The following FBN2 variants were observed in gnomAD, a reference collection of about 807,000 sequenced individuals.
FBN2 encodes fibrillin 2, also known as fibrillin-2.
In FBN2, 105 loss-of-function variants were observed where a neutral mutation model predicts 355.6. That is an observed-to-expected ratio of 0.30 (90% CI 0.25 to 0.35). The LOEUF is 0.35. FBN2 is among the 10% of genes least tolerant of loss of function. The pLI is 1.00. For synonymous variants in FBN2, 1,350 were observed against 1,301.2 expected (o/e 1.04, Z -0.81); for missense variants, 3,280 against 3,758.7 (o/e 0.87, Z 3.33).
intron 48 of FBN2, among the ~76,000 whole-genome samples, chr5:128,296,244 T>C (rs1749506504): frequency 6.6e-6 from 1 of 151,166 alleles, no homozygotes; most frequent in African/African-American, 2.4e-5. Context: ...TTTGCCAGTA[T>C]TTTATTGAGG....
At chr5:128,295,648 G>T in intron 48 of FBN2, among the ~76,000 whole-genome samples, 1 of 114,168 alleles carries the variant, frequency 8.8e-6, no homozygotes, top group Non-Finnish European at 1.8e-5. Context: ...GTCTGTTGTT[G>T]GTGTATAAGA....
At chr5:128,263,936 C>A (rs1765050317) in intron 62 of FBN2, among the ~76,000 whole-genome samples, 1 of 152,178 alleles carries the variant, frequency 6.6e-6, no homozygotes, top group Admixed American at 6.5e-5. Flanking sequence ...TAGTGAATAA[C>A]TCTTCTATTC....
Position 128,337,985 on chromosome 5 carries a change from A to C in FBN2, c.3598+12T>G. ...TGCTGGGCAGGTTTATGTGCTGAGG[A>C]GATAAACTCACCCACACAGTCCTCA... is the stretch of plus-strand genomic sequence containing the variant. On this transcript the variant is annotated intron_variant, in intron 27 of 64. Transcript: ENST00000262464. 6.2e-7 allele frequency: 1 copy of C among 1,613,882 alleles called. No homozygotes were observed. Among genetic ancestry groups the C allele is most frequent in the Non-Finnish European group, 8.5e-7 (1 of 1,179,872 alleles).
chr5:128,433,088 G>A (rs1308866821), intron 7 of FBN2, among the ~76,000 whole-genome samples: 1 of 152,094 alleles, frequency 6.6e-6, no homozygotes, highest in Non-Finnish European at 1.5e-5. Context: ...AGATTATGGG[G>A]ATTAAAATTC....
chr5:128,317,819 A>C (rs1256298458), intron 36 of FBN2, among the ~76,000 whole-genome samples: 1 of 152,156 alleles, frequency 6.6e-6, no homozygotes, highest in Non-Finnish European at 1.5e-5. Flanking sequence ...GGAGAAATAG[A>C]TATTCTAACA....
At chr5:128,466,023 C>T (rs1428596279) in intron 5 of FBN2, among the ~76,000 whole-genome samples, 1 of 152,182 alleles carries the variant, frequency 6.6e-6, no homozygotes, top group African/African-American at 2.4e-5. Context: ...CTCTATCCTG[C>T]TTTCTTCTGT....
intron 5 of FBN2, among the ~76,000 whole-genome samples, chr5:128,504,209 G>A (rs1034435402): frequency 6.6e-6 from 1 of 152,160 alleles, no homozygotes; most frequent in Non-Finnish European, 1.5e-5. Context: ...GTGCTGCACG[G>A]GTGGAGCCCT....
rs570118851 is a variant in FBN2 at position 128,537,622 on chromosome 5, G to T, written c.-19C>A. On this transcript the variant is annotated 5_prime_UTR_variant, in exon 1 of 65. Transcript: ENST00000262464. ...TCCCCATCGCCGGCGCCGAAAGCGC[G>T]CGGCCGTAGACCCGCGGAGAGGGAG... 2.9e-5 allele frequency: 46 copies of T among 1,604,480 alleles called. No homozygotes were observed. The highest frequency in any genetic ancestry group is 3.3e-4 in the Middle Eastern group (2 of 6,070).
intron 27 of FBN2, 130 bp from the exon 28 acceptor site, chr5:128,336,243 G>A (rs1257157662): frequency 1.1e-6 from 1 of 879,198 alleles, no homozygotes; most frequent in African/African-American, 1.6e-5. Context: ...ATGTTCTCCT[G>A]GGGGATTGAA....
rs1749853641 is a variant in FBN2 at position 128,305,777 on chromosome 5, G to A, written c.5548+46C>T. On this transcript the variant is annotated intron_variant, in intron 43 of 64. Coordinates refer to ENST00000262464, the MANE Select transcript of FBN2 (RefSeq NM_001999.4). ...CAGAAACCATCTAAATGCTATATATGTATACCAAATTATACTGGATAAAGG... is the reference window on the plus strand; with the variant it reads ...CAGAAACCATCTAAATGCTATATATATATACCAAATTATACTGGATAAAGG... The A allele has an allele frequency of 2.5e-6, 4 of 1,607,560 alleles. No homozygotes were observed. The African/African-American group carries it at 5.3e-5, about 22-fold the overall frequency.
chr5:128,366,810 G>T (rs570487054), intron 16 of FBN2, among the ~76,000 whole-genome samples: 2 of 152,144 alleles, frequency 1.3e-5, no homozygotes, highest in South Asian at 4.1e-4. Flanking sequence ...GCCTGGTATT[G>T]TTCTACATTT....
intron 4 of FBN2, among the ~76,000 whole-genome samples, chr5:128,526,296 A>G (rs553779515): frequency 6.6e-6 from 1 of 152,134 alleles, no homozygotes; most frequent in Non-Finnish European, 1.5e-5. Flanking sequence ...GTGCACTGCT[A>G]GTAGGAATGG....
intron 48 of FBN2, among the ~76,000 whole-genome samples, chr5:128,297,935 T>A (rs1361166424): frequency 1.3e-5 from 2 of 151,954 alleles, no homozygotes; most frequent in Non-Finnish European, 2.9e-5. Context: ...CTAGTCTCGA[T>A]GGTCTTTACA....
At position 128,303,003 on chromosome 5, in the gene FBN2, A is replaced by G; in HGVS notation, c.5887T>C (p.Phe1963Leu). 6.2e-7 allele frequency: 1 copy of G among 1,606,620 alleles called. No homozygotes were observed. The highest frequency in any genetic ancestry group is 1.1e-5 in the South Asian group (1 of 90,886). Residue 1963 changes from phenylalanine to leucine, a missense_variant, in exon 46 of 65, where the codon TTT (phenylalanine) becomes CTT (leucine). Around this residue, in one of 6 missense-constraint regions of FBN2, gnomAD observed 2,284 missense variants for 2,749.5 expected, o/e 0.83. Coordinates refer to ENST00000262464, the MANE Select transcript of FBN2 (RefSeq NM_001999.4). ...CAATCATTATTATGAGTGAGTTCAA[A>G]CCCTGGGTAGCACAGACAGTTATAG... ...GSYNCLCYPG[F>L]ELTHNNDCLD...
intron 2 of FBN2, 69 bp from the exon 3 acceptor site, chr5:128,530,762 G>T: frequency 9.6e-7 from 1 of 1,038,794 alleles, no homozygotes; most frequent in Non-Finnish European, 1.5e-6. Flanking sequence ...AAACAAGAAA[G>T]CTGTATTTAA....
chr5:128,479,968 CTCTCTCTCTATATATATATATATATA>C (rs1332061379), intron 5 of FBN2, among the ~76,000 whole-genome samples: 367 of 29,160 alleles, frequency 0.013, no homozygotes, highest in Admixed American at 0.016. Context: ...CTCTCTCTCT[CTCTCTCTCTATATATATATATATATA>C]TATATATATA....
chr5:128,293,969 C>T (rs989204940), intron 48 of FBN2, among the ~76,000 whole-genome samples: 7 of 151,756 alleles, frequency 4.6e-5, no homozygotes, highest in African/African-American at 7.3e-5. Context: ...GTATATCTCC[C>T]AATGCTATCC....
intron 6 of FBN2, among the ~76,000 whole-genome samples, chr5:128,451,119 C>T (rs1581308592): frequency 6.6e-6 from 1 of 151,964 alleles, no homozygotes; most frequent in Non-Finnish European, 1.5e-5. Context: ...TATCAATTTG[C>T]CCTATTATTT....
chr5:128,311,725 T>C (rs1348158055), intron 38 of FBN2, among the ~76,000 whole-genome samples, 160 bp downstream of exon 38: 3 of 152,210 alleles, frequency 2.0e-5, no homozygotes, highest in African/African-American at 7.2e-5. Context: ...TCATTACTGC[T>C]TGATAAAAGT....
Sources: gnomAD v4.1 joint callset for allele counts (sites outside exome capture counted in the v4.1 genomes callset) on GRCh38, gnomAD v4.1.1 for gene constraint, gnomAD v4.1.1 regional missense constraint, MANE v1.5 for transcripts, NCBI Gene and HGNC (gene_info 2026-07-23, HGNC 2026-07-21) for gene names.